The following CIT variants were observed in gnomAD, a reference collection of about 807,000 sequenced individuals.
CIT encodes citron Rho-interacting kinase.
A neutral mutation model predicts 272.7 loss-of-function variants in CIT; 79 were observed. That is an observed-to-expected ratio of 0.29 (90% CI 0.24 to 0.35). CIT has a LOEUF of 0.35. Ranked by LOEUF, CIT falls within the 10% of genes least tolerant of loss-of-function variation. CIT has a pLI of 1.00. For synonymous variants in CIT, 948 were observed against 995.6 expected (o/e 0.95, Z 0.90); for missense variants, 1,909 against 2,618.3 (o/e 0.73, Z 5.91).
At chr12:119,842,294 C>T (rs1485530098) in intron 5 of CIT, among the ~76,000 whole-genome samples, 3 of 144,202 alleles carry the variant, frequency 2.1e-5, no homozygotes, top group Non-Finnish European at 3.0e-5. Context: ...GAGGCTGAGG[C>T]AGGAGAATCA....
Position 119,712,186 on chromosome 12 carries a change from C to T in CIT, c.4846G>A (p.Ala1616Thr), listed in dbSNP as rs1230765015. The T allele has an allele frequency of 1.3e-6, 2 of 1,599,096 alleles. No individual in the cohort carries two copies. Among genetic ancestry groups the T allele is most frequent in the Admixed American group, 3.5e-5 (2 of 57,874 alleles). Residue 1616 changes from alanine (A) to threonine (T), a missense_variant, in exon 37 of 48, where the codon GCT becomes ACT. This residue lies in a region of CIT where 780 missense variants were observed against 1,067.2 expected (regional missense o/e 0.73). Transcript: ENST00000392521. The surrounding 1 kb of genome is among the most constrained non-coding windows in gnomAD (Gnocchi z 5.2). ...GGRVSREKAE[A>T]DAKLLGNSLL... ...CCCGCTTTCATACTCACAGCATCAG[C>T]TTCTGCTTTTTCCCTAGAAACTCTC...
rs547442499 is a variant in CIT, at chr12:119,770,224, C to A, written c.2208+561G>T. 3.3e-5 allele frequency among the ~76,000 whole-genome samples: 5 copies of A among 151,556 alleles called. No homozygotes were observed. The highest frequency in any genetic ancestry group is 1.2e-4 in the African/African-American group (5 of 41,316). ...AGACAGAATCAGGATGACTACAGAC[C>A]CTAAAAAAAGACCTGCTATATCTAA... On this transcript the variant is annotated intron_variant, in intron 18 of 47. Transcript: ENST00000392521. The surrounding 1 kb of genome is among the most constrained non-coding windows in gnomAD (Gnocchi z 4.4).
chr12:119,695,037 C>T (rs1012241148), intron 46 of CIT, among the ~76,000 whole-genome samples: 44 of 152,218 alleles, frequency 2.9e-4, no homozygotes, highest in African/African-American at 1.0e-3. Flanking sequence ...GGGTATTTGG[C>T]ACCTCTGCTT....
At chr12:119,723,352 T>G (rs1260034612) in intron 28 of CIT, among the ~76,000 whole-genome samples, 1 of 147,636 alleles carries the variant, frequency 6.8e-6, no homozygotes, top group African/African-American at 2.5e-5. Flanking sequence ...ACGCATCAAC[T>G]GTCCATTAGC....
At chr12:119,774,437 A>G (rs1276799604) in intron 16 of CIT, among the ~76,000 whole-genome samples, 1 of 152,144 alleles carries the variant, frequency 6.6e-6, no homozygotes, top group East Asian at 1.9e-4. Context: ...AAGCATTTCC[A>G]GTGTTCAACT....
At chr12:119,796,138 G>A (rs867245657) in intron 10 of CIT, among the ~76,000 whole-genome samples, 1 of 152,250 alleles carries the variant, frequency 6.6e-6, no homozygotes, top group African/African-American at 2.4e-5. Context: ...CGGCAGGCTG[G>A]GGTCTTGGCA....
At chr12:119,758,370 A>T (rs1961306816) in intron 21 of CIT, among the ~76,000 whole-genome samples, 1 of 152,224 alleles carries the variant, frequency 6.6e-6, no homozygotes, top group South Asian at 2.1e-4. Flanking sequence ...AACACTCTGT[A>T]ATGTGATGGT....
intron 12 of CIT, chr12:119,783,649 A>C: frequency 3.1e-6 from 1 of 325,006 alleles, no homozygotes; most frequent in Non-Finnish European, 5.6e-6. Context: ...GCAAAGATGG[A>C]TTACTCCCAT....
In CIT at chr12:119,823,959, G is replaced by A. The variant is rs561080865; in HGVS notation, c.958-986C>T. ...GGAGGCTGAGGCAGGAAAATCGCTTGAACCCAGGAGGCAGGGTTGCAGTGA... is the reference window on the plus strand; with the variant it reads ...GGAGGCTGAGGCAGGAAAATCGCTTAAACCCAGGAGGCAGGGTTGCAGTGA... On this transcript the variant is annotated intron_variant, in intron 8 of 47. Coordinates refer to ENST00000392521, the MANE Select transcript of CIT (RefSeq NM_001206999.2). Among the ~76,000 whole-genome samples the A allele has an allele frequency of 1.7e-3, 226 of 136,176 alleles. 1 individual carries two copies. Among genetic ancestry groups the A allele is most frequent in the Admixed American group, 2.9e-3 (35 of 11,870 alleles). The allele number at this position is 136,176 out of a possible 152,430, so 89.3% of individuals were successfully genotyped here.
intron 7 of CIT, among the ~76,000 whole-genome samples, chr12:119,826,028 A>G (rs1968132507): frequency 6.6e-6 from 1 of 152,314 alleles, no homozygotes; most frequent in East Asian, 1.9e-4. Flanking sequence ...AGATTGCGCC[A>G]TTACACTGCA....
chr12:119,803,484 G>GCTGGC, intron 9 of CIT, 95 bp from the exon 10 acceptor site: 1 of 870,050 alleles, frequency 1.1e-6, no homozygotes, highest in East Asian at 2.8e-5. Context: ...CTCCTTCGGC[G>GCTGGC]CTGGCGATGG....
chr12:119,686,736 G>A lies in CIT; in HGVS notation c.*1496C>T, dbSNP rs1490675258. On this transcript the variant is annotated 3_prime_UTR_variant, in exon 48 of 48. Transcript: ENST00000392521. ...ATTAAAGGCAGAAATAAGGCCGCGA[G>A]TTAGCTTGCCAACTGCAAAGCCTCT... 5.9e-5 allele frequency: 9 copies of A among 152,586 alleles called. No homozygotes were observed. The highest frequency in any genetic ancestry group is 1.5e-5 in the Non-Finnish European group (1 of 68,072). 9.5% of individuals were successfully genotyped at this position (152,586 alleles called of 1,614,324 possible).
At position 119,728,665 on chromosome 12, in the gene CIT, G is replaced by A. The variant is rs1237066407; in HGVS notation, c.3487-59C>T. 7 of 1,113,112 alleles carry A rather than the reference G, an allele frequency of 6.3e-6. No homozygotes were observed. The highest frequency in any genetic ancestry group is 1.3e-5 in the South Asian group (1 of 76,428). The allele number at this position is 1,113,112 out of a possible 1,614,324, so 69.0% of individuals were successfully genotyped here. On this transcript the variant is annotated intron_variant, in intron 27 of 47. Transcript: ENST00000392521. The surrounding 1 kb of genome is among the most constrained non-coding windows in gnomAD (Gnocchi z 4.3). ...CTTAGGAATGTTAGATGCTGACAACGTTTATGAATGTCCACGAACCTTCAC... is the reference window on the plus strand; with the variant it reads ...CTTAGGAATGTTAGATGCTGACAACATTTATGAATGTCCACGAACCTTCAC...
At chr12:119,756,778 C>T (rs1437919887) in intron 22 of CIT, among the ~76,000 whole-genome samples, 1 of 152,066 alleles carries the variant, frequency 6.6e-6, no homozygotes, top group Non-Finnish European at 1.5e-5. Context: ...GGGAAGTCAG[C>T]AGGAATGGGC....
intron 13 of CIT, among the ~76,000 whole-genome samples, chr12:119,777,321 A>G (rs565014152): frequency 6.6e-6 from 1 of 152,084 alleles, no homozygotes; most frequent in African/African-American, 2.4e-5. Flanking sequence ...TGAGGCACCA[A>G]GTAGGCAAAG....
intron 41 of CIT, 77 bp downstream of exon 41, chr12:119,704,286 T>C (rs1188609052): frequency 4.0e-5 from 55 of 1,364,338 alleles, no homozygotes; most frequent in Non-Finnish European, 5.2e-5. Flanking sequence ...CCCAGGACAG[T>C]GCACTTTCCA....
chr12:119,820,419 C>T (rs533946503), intron 9 of CIT, among the ~76,000 whole-genome samples: 1 of 151,960 alleles, frequency 6.6e-6, no homozygotes, highest in Non-Finnish European at 1.5e-5. Context: ...GGCATGGTGG[C>T]GCACACCTGT....
chr12:119,758,518 A>G, intron 21 of CIT, 73 bp downstream of exon 21: 2 of 924,150 alleles, frequency 2.2e-6, no homozygotes, highest in Non-Finnish European at 3.6e-6. Flanking sequence ...ATCAAACAGA[A>G]GAAGGGAGTT....
chr12:119,852,626 C>T (rs1027129985), intron 4 of CIT, among the ~76,000 whole-genome samples: 3 of 151,270 alleles, frequency 2.0e-5, no homozygotes, highest in African/African-American at 4.9e-5. Flanking sequence ...CACTGGAACC[C>T]GGGGGCAGAG....
Sources: allele counts gnomAD v4.1 joint callset (sites outside exome capture counted in the v4.1 genomes callset), GRCh38; gene constraint gnomAD v4.1.1; regional missense constraint gnomAD v4.1.1; non-coding constraint Gnocchi (gnomAD v3.1); transcripts MANE v1.5; gene names NCBI Gene and HGNC (gene_info 2026-07-23, HGNC 2026-07-21).